FAF1: variants seen among roughly 807,000 people sequenced by gnomAD.
FAF1 encodes Fas associated factor 1.
A neutral mutation model predicts 92.5 loss-of-function variants in FAF1; 25 were observed. That is an observed-to-expected ratio of 0.27 (90% CI 0.20 to 0.38). FAF1 has a LOEUF of 0.38. Ranked by LOEUF, FAF1 falls within the 10% of genes least tolerant of loss-of-function variation. The pLI is 1.00. For missense variants in FAF1, 636 were observed against 793.3 expected (o/e 0.80, Z 2.38); for synonymous variants, 234 against 273.2 (o/e 0.86, Z 1.42).
intron 1 of FAF1, among the ~76,000 whole-genome samples, chr1:50,950,016 T>C (rs1228954999): frequency 6.6e-6 from 1 of 152,182 alleles, no homozygotes; most frequent in Non-Finnish European, 1.5e-5. Context: ...AAATTTATTT[T>C]TTTTTGTAGA....
chr1:50,751,494 C>T (rs897343376), intron 4 of FAF1, among the ~76,000 whole-genome samples: 1 of 152,034 alleles, frequency 6.6e-6, no homozygotes, highest in Non-Finnish European at 1.5e-5. Flanking sequence ...CAGGCACGTG[C>T]CACCACGCCT....
intron 13 of FAF1, among the ~76,000 whole-genome samples, chr1:50,545,822 TAC>T (rs1422653121): frequency 1.3e-5 from 2 of 152,252 alleles, no homozygotes; most frequent in African/African-American, 4.8e-5. Context: ...ATCACCTATG[TAC>T]ACACAGTTAA....
intron 9 of FAF1, among the ~76,000 whole-genome samples, chr1:50,590,720 G>A (rs1471195218): frequency 2.6e-5 from 4 of 152,136 alleles, no homozygotes; most frequent in Non-Finnish European, 5.9e-5. Flanking sequence ...CGTGGCTCAC[G>A]CCTGTAATCC....
chr1:50,658,021 G>C (rs1006316740), intron 7 of FAF1, among the ~76,000 whole-genome samples: 1 of 152,028 alleles, frequency 6.6e-6, no homozygotes, highest in African/African-American at 2.4e-5. Flanking sequence ...AAATGCAATT[G>C]GGTTAACCTC....
intron 4 of FAF1, among the ~76,000 whole-genome samples, chr1:50,770,143 A>C (rs1660725650): frequency 6.6e-6 from 1 of 152,192 alleles, no homozygotes; most frequent in Non-Finnish European, 1.5e-5. Context: ...CACAGCCAAC[A>C]TCATACTGAA....
At chr1:50,648,577 C>T (rs953961287) in intron 8 of FAF1, among the ~76,000 whole-genome samples, 14 of 152,216 alleles carry the variant, frequency 9.2e-5, no homozygotes, top group African/African-American at 3.4e-4. Flanking sequence ...CATAAAGGAG[C>T]CATTGAAAAT....
At chr1:50,884,841 T>C (rs974364861) in intron 1 of FAF1, among the ~76,000 whole-genome samples, 1 of 152,120 alleles carries the variant, frequency 6.6e-6, no homozygotes, top group Non-Finnish European at 1.5e-5. Flanking sequence ...TTGAGTAAAA[T>C]TGGTATTCGT....
At chr1:50,823,818 C>T (rs966109910) in intron 2 of FAF1, among the ~76,000 whole-genome samples, 4 of 152,056 alleles carry the variant, frequency 2.6e-5, no homozygotes, top group Non-Finnish European at 4.4e-5. Flanking sequence ...GGGGTACAGA[C>T]TCACAATTAA....
intron 5 of FAF1, 146 bp from the exon 6 acceptor site, chr1:50,739,100 C>T (rs1324569494): frequency 2.6e-5 from 15 of 570,918 alleles, no homozygotes; most frequent in Non-Finnish European, 4.6e-5. Context: ...AAAAGAACTA[C>T]TGAATCCAAG....
intron 1 of FAF1, among the ~76,000 whole-genome samples, chr1:50,912,121 A>T (rs564575073): frequency 2.4e-4 from 36 of 152,314 alleles, no homozygotes; most frequent in African/African-American, 7.9e-4. Flanking sequence ...GGTGACAACA[A>T]CATCATTTCA....
chr1:50,848,290 A>G (rs1319138473), intron 2 of FAF1, among the ~76,000 whole-genome samples: 1 of 152,258 alleles, frequency 6.6e-6, no homozygotes, highest in Non-Finnish European at 1.5e-5. Context: ...AGTAAATTGC[A>G]TGACAAAAAT....
intron 2 of FAF1, among the ~76,000 whole-genome samples, chr1:50,803,133 A>G (rs1662063310): frequency 6.6e-6 from 1 of 152,218 alleles, no homozygotes; most frequent in South Asian, 2.1e-4. Context: ...AATTCAGTGG[A>G]AGTATTTCTG....
intron 1 of FAF1, among the ~76,000 whole-genome samples, chr1:50,922,535 A>G (rs897410444): frequency 6.6e-6 from 1 of 150,920 alleles, no homozygotes; most frequent in Non-Finnish European, 1.5e-5. Context: ...CACCAAACTA[A>G]GCTAGGCCGC....
At chr1:50,676,172 C>T (rs549392553) in intron 7 of FAF1, among the ~76,000 whole-genome samples, 29 of 152,130 alleles carry the variant, frequency 1.9e-4, no homozygotes, top group African/African-American at 6.8e-4. Context: ...TTCGGGAGGC[C>T]GAGGCCAGCA....
intron 18 of FAF1, among the ~76,000 whole-genome samples, chr1:50,454,160 A>T (rs1489129393): frequency 6.6e-6 from 1 of 151,888 alleles, no homozygotes. Context: ...ATTTTCGAAC[A>T]GGGGGTAGGG....
intron 1 of FAF1, among the ~76,000 whole-genome samples, chr1:50,922,775 C>T (rs1430276706): frequency 1.4e-5 from 2 of 143,150 alleles, no homozygotes; most frequent in Non-Finnish European, 3.0e-5. Flanking sequence ...GCCAAGATCA[C>T]GCCATTGCAC....
chr1:50,943,379 G>C (rs1371085531), intron 1 of FAF1, among the ~76,000 whole-genome samples: 1 of 152,170 alleles, frequency 6.6e-6, no homozygotes, highest in Non-Finnish European at 1.5e-5. Context: ...GTAGCTTTCT[G>C]TATTGATCTT....
At chr1:50,520,877 G>C (rs897096842) in intron 15 of FAF1, among the ~76,000 whole-genome samples, 19 of 152,134 alleles carry the variant, frequency 1.2e-4, no homozygotes, top group Middle Eastern at 3.4e-3. Context: ...CTTTATTAAA[G>C]TCCTTTCTGA....
chr1:50,926,628 ACT>A (rs1645008244), intron 1 of FAF1, among the ~76,000 whole-genome samples: 1 of 152,130 alleles, frequency 6.6e-6, no homozygotes, highest in African/African-American at 2.4e-5. Flanking sequence ...TATGCTAATT[ACT>A]CTGATTTGAT....
Sources: gnomAD v4.1 joint callset for allele counts (sites outside exome capture counted in the v4.1 genomes callset) on GRCh38, gnomAD v4.1.1 for gene constraint, MANE v1.5 for transcripts, NCBI Gene and HGNC (gene_info 2026-07-23, HGNC 2026-07-21) for gene names.